Variants in FAM149A observed in about 807,000 individuals in gnomAD.
FAM149A encodes protein FAM149A.
A neutral mutation model predicts 78.2 loss-of-function variants in FAM149A; 71 were observed. The ratio of observed to expected loss-of-function variants is 0.91; its 90% confidence interval spans 0.75 to 1.11. The LOEUF is 1.11. FAM149A is among the 50% of genes least tolerant of loss of function. The pLI is 0.00. For missense variants in FAM149A, 1,036 were observed against 971.0 expected (o/e 1.07, Z -0.89); for synonymous variants, 446 against 410.5 (o/e 1.09, Z -1.04).
chr4:186,150,441 A>G (rs562493804), intron 3 of FAM149A, among the ~76,000 whole-genome samples: 4 of 80,900 alleles, frequency 4.9e-5, no homozygotes, highest in South Asian at 4.6e-4. Context: ...TTTTTTTGAG[A>G]CGGAGTCTCG....
At position 186,175,240 on chromosome 4, in the gene FAM149A, G is replaced by A. The variant is rs1021623344; in HGVS notation, c.*3253G>A. On this transcript the variant is annotated 3_prime_UTR_variant, in exon 14 of 14. Coordinates refer to ENST00000389354, the MANE Select transcript of FAM149A (RefSeq NM_001367768.3). ...TTTTATTATAACTACAGATCATTGTGTAGGATTTTTGATTCCTTAATTTCT... is the reference window on the plus strand; with the variant it reads ...TTTTATTATAACTACAGATCATTGTATAGGATTTTTGATTCCTTAATTTCT... Among the ~76,000 whole-genome samples, 5 of 111,484 alleles carry A rather than the reference G, an allele frequency of 4.5e-5. No homozygotes were observed. Among genetic ancestry groups the A allele is most frequent in the African/African-American group, 1.4e-4 (5 of 35,744 alleles). The allele number at this position is 111,484 out of a possible 152,430, so 73.1% of individuals were successfully genotyped here.
At chr4:186,152,336 C>T (rs147648051) in intron 4 of FAM149A, among the ~76,000 whole-genome samples, 1 of 152,268 alleles carries the variant, frequency 6.6e-6, no homozygotes, top group African/African-American at 2.4e-5. Context: ...CTCTTACCTT[C>T]ACATTCACTG....
chr4:186,125,235 A>T, intron 1 of FAM149A: 1 of 984,662 alleles, frequency 1.0e-6, no homozygotes, highest in South Asian at 4.7e-5. Flanking sequence ...CTTTTTCTCT[A>T]AGTAATGATG....
At chr4:186,117,268 G>A (rs181455473) in intron 1 of FAM149A, among the ~76,000 whole-genome samples, 3 of 152,224 alleles carry the variant, frequency 2.0e-5, no homozygotes, top group Admixed American at 1.3e-4. Context: ...GTAGGCTAAT[G>A]TATTCTTTAA....
intron 3 of FAM149A, among the ~76,000 whole-genome samples, chr4:186,150,302 G>A (rs1733379607): frequency 6.6e-6 from 1 of 151,054 alleles, no homozygotes; most frequent in Non-Finnish European, 1.5e-5. Flanking sequence ...TCCTTTTTAA[G>A]GCCCACCTGG....
chr4:186,157,534 T>C, intron 7 of FAM149A, 31 bp from the exon 8 acceptor site: 6 of 1,602,300 alleles, frequency 3.7e-6, no homozygotes, highest in Non-Finnish European at 5.1e-6. Flanking sequence ...ATCTGATGTT[T>C]CTTGTAATAT....
chr4:186,158,000 G>A (rs778129462), intron 8 of FAM149A: 4 of 1,482,240 alleles, frequency 2.7e-6, no homozygotes, highest in Non-Finnish European at 3.6e-6. Context: ...TCCAGATGGA[G>A]CAGTATATCC....
In FAM149A at chr4:186,105,543, C is replaced by T. The variant is rs2099308397; in HGVS notation, c.467C>T (p.Ala156Val). The change falls in exon 1 of 14, where the codon GCC becomes GTC. Residue 156 changes from alanine (A) to valine (V), a missense_variant. Coordinates refer to ENST00000389354, the MANE Select transcript of FAM149A (RefSeq NM_001367768.3). ...GGCCCCGGAGAGCGAGAGCTCGGCG[C>T]CTGCGTGGCCCCCGGGGCTGGCCCC... The T allele has an allele frequency of 8.8e-7, 1 of 1,137,498 alleles. No homozygotes were observed. Among genetic ancestry groups the T allele is most frequent in the Non-Finnish European group, 1.1e-6 (1 of 921,426 alleles). The allele number at this position is 1,137,498 out of a possible 1,614,324, so 70.5% of individuals were successfully genotyped here. A position where few individuals can be genotyped will look rare whatever the true frequency, so the allele number is the denominator to read the frequency against.
rs905171841 is a variant in FAM149A, at chr4:186,151,795, T to C, written c.790-108T>C. The C allele has an allele frequency of 1.1e-5, 17 of 1,482,108 alleles. No individual in the cohort carries two copies. The South Asian group carries it at 2.3e-4, about 20-fold the overall frequency. The allele number at this position is 1,482,108 out of a possible 1,614,324, so 91.8% of individuals were successfully genotyped here. On this transcript the variant is annotated intron_variant, in intron 3 of 13. Coordinates refer to ENST00000389354, the MANE Select transcript of FAM149A (RefSeq NM_001367768.3). ...AAGCCACCATCTTTTTACCAAGTGA[T>C]GCACCCTCCTACATAGTGGGTGACA...
chr4:186,143,401 T>C (rs201436639), intron 1 of FAM149A, among the ~76,000 whole-genome samples: 127,157 of 151,230 alleles, frequency 0.84, 53,552 homozygotes, highest in Middle Eastern at 0.89. Flanking sequence ...TAGATATGTA[T>C]ACACATACAC....
intron 1 of FAM149A, among the ~76,000 whole-genome samples, chr4:186,113,677 G>A (rs2099312274): frequency 1.3e-5 from 2 of 149,940 alleles, no homozygotes; most frequent in Admixed American, 6.7e-5. Flanking sequence ...GGAGCAGGTT[G>A]TTCAGTTTCC....
At chr4:186,115,332 T>C (rs572159368) in intron 1 of FAM149A, among the ~76,000 whole-genome samples, 75 of 143,298 alleles carry the variant, frequency 5.2e-4, no homozygotes, top group African/African-American at 1.9e-3. Context: ...TCTTTGCCTT[T>C]GGTTTGAATG....
At chr4:186,145,294 G>A (rs576288210) in intron 1 of FAM149A, among the ~76,000 whole-genome samples, 14 of 152,286 alleles carry the variant, frequency 9.2e-5, no homozygotes, top group Non-Finnish European at 1.8e-4. Context: ...GGACTCCTTC[G>A]TCACTGCGGT....
chr4:186,169,314 G>T, intron 13 of FAM149A: 14 of 985,316 alleles, frequency 1.4e-5, no homozygotes, highest in Non-Finnish European at 1.7e-5. Flanking sequence ...CACAGCCAAG[G>T]CCCCTGATCT....
At chr4:186,109,832 G>C (rs1164865194) in intron 1 of FAM149A, 1 of 985,170 alleles carries the variant, frequency 1.0e-6, no homozygotes, top group African/African-American at 1.7e-5. Context: ...AGTTATTTGG[G>C]AGAACAAATT....
At position 186,149,300 on chromosome 4, in the gene FAM149A, C is replaced by A; in HGVS notation, c.677+17C>A. ...ATATACCTGGTAAGAATTCACCTTG[C>A]TTCAGATTACAAAATCACAAAATGC... is the stretch of plus-strand genomic sequence containing the variant. On this transcript the variant is annotated intron_variant, in intron 2 of 13. Transcript: ENST00000389354. 1 of 1,276,066 alleles carries A rather than the reference C, an allele frequency of 7.8e-7. No homozygotes were observed. Among genetic ancestry groups the A allele is most frequent in the Non-Finnish European group, 1.0e-6 (1 of 984,836 alleles). The allele number at this position is 1,276,066 out of a possible 1,614,324, so 79.0% of individuals were successfully genotyped here.
intron 1 of FAM149A, among the ~76,000 whole-genome samples, chr4:186,130,749 C>G (rs2099320466): frequency 6.6e-6 from 1 of 152,068 alleles, no homozygotes; most frequent in Non-Finnish European, 1.5e-5. Context: ...TAATTCCTCT[C>G]ATAGATATGA....
Position 186,163,627 on chromosome 4 carries a change from C to T in FAM149A, c.1883C>T (p.Thr628Ile). The change falls in exon 10 of 14, where the codon ACA becomes ATA. Residue 628 changes from threonine to isoleucine, a missense_variant. By Grantham distance (89) the Thr-to-Ile change is moderately conservative. Around this residue, in one of 3 missense-constraint regions of FAM149A, gnomAD observed 716 missense variants for 711.8 expected, o/e 1.01. Transcript: ENST00000389354. ...TATAGTGACGAAGTTCTTCGGGGAA[C>T]AAAACTGTGAGTCTCATTTCTTTCA... 1.2e-6 allele frequency: 2 copies of T among 1,612,426 alleles called. No individual in the cohort carries two copies. Among genetic ancestry groups the T allele is most frequent in the Non-Finnish European group, 1.7e-6 (2 of 1,178,788 alleles).
chr4:186,149,826 C>T (rs1733330928), intron 3 of FAM149A, 122 bp downstream of exon 3: 25 of 536,208 alleles, frequency 4.7e-5, no homozygotes, highest in Non-Finnish European at 6.1e-5. Flanking sequence ...CATACATGTA[C>T]ATACATGTAA....
Sources: gnomAD v4.1 joint callset for allele counts (sites outside exome capture counted in the v4.1 genomes callset) on GRCh38, gnomAD v4.1.1 for gene constraint, gnomAD v4.1.1 regional missense constraint, MANE v1.5 for transcripts, NCBI Gene and HGNC (gene_info 2026-07-23, HGNC 2026-07-21) for gene names.